MATR3: variants seen among roughly 807,000 people sequenced by gnomAD.
MATR3 encodes matrin-3.
In MATR3, 4 loss-of-function variants were observed where a neutral mutation model predicts 85.5. The observed-to-expected ratio is 0.05, with a 90% confidence interval of 0.02 to 0.11. MATR3 has a LOEUF of 0.11. MATR3 is among the 10% of genes least tolerant of loss of function. MATR3 has a pLI of 1.00. For synonymous variants in MATR3, 336 were observed against 343.1 expected, an observed-to-expected ratio of 0.98 and a Z score of 0.23; for missense variants, 685 against 1,016.1, an observed-to-expected ratio of 0.67 and a Z score of 4.43.
At chr5:139,305,635 T>C (rs1754670059) in intron 1 of MATR3, among the ~76,000 whole-genome samples, 1 of 152,194 alleles carries the variant, frequency 6.6e-6, no homozygotes, top group Non-Finnish European at 1.5e-5. Flanking sequence ...GAAACTTTCA[T>C]CTGAAGAAGT....
intron 14 of MATR3, among the ~76,000 whole-genome samples, chr5:139,327,801 A>G (rs1304926848): frequency 6.6e-6 from 1 of 152,184 alleles, no homozygotes; most frequent in African/African-American, 2.4e-5. Context: ...GAATATGGAA[A>G]TAATATAAAA....
chr5:139,292,537 C>T (rs995067182), upstream of MATR3, among the ~76,000 whole-genome samples: 1 of 152,200 alleles, frequency 6.6e-6, no homozygotes, highest in African/African-American at 2.4e-5. Context: ...ATCCCTCCAA[C>T]CCGGGTACCT....
chr5:139,295,678 G>A (rs555052422), intron 1 of MATR3, among the ~76,000 whole-genome samples: 1 of 152,284 alleles, frequency 6.6e-6, no homozygotes, highest in Admixed American at 6.5e-5. Flanking sequence ...TTTTTACTGA[G>A]GAGTGCAACG....
At position 139,329,557 on chromosome 5, in the gene MATR3, A is replaced by C. The variant is rs1561947706; in HGVS notation, c.*162A>C. ...CTGTTCATGTGTTAAGTGTTATAGC[A>C]AAAAAAATACACATATGGTTAAGTT... On this transcript the variant is annotated 3_prime_UTR_variant, in exon 15 of 15. Coordinates refer to ENST00000394805, the MANE Select transcript of MATR3 (RefSeq NM_018834.6). 1 of 602,336 alleles carries C rather than the reference A, an allele frequency of 1.7e-6. No homozygotes were observed. Among genetic ancestry groups the C allele is most frequent in the African/African-American group, 1.9e-5 (1 of 53,458 alleles). 37.3% of individuals were successfully genotyped at this position (602,336 alleles called of 1,614,324 possible). A position where few individuals can be genotyped will look rare whatever the true frequency, so the allele number is the denominator to read the frequency against.
chr5:139,280,118 G>C (rs369848146), intron 3 of MATR3: 1 of 152,148 alleles, frequency 6.6e-6, no homozygotes, highest in Non-Finnish European at 1.5e-5. Flanking sequence ...TGCAGCTCTA[G>C]TGCAAACACA....
chr5:139,295,689 G>A (rs576146689), intron 1 of MATR3, among the ~76,000 whole-genome samples: 1 of 152,302 alleles, frequency 6.6e-6, no homozygotes, highest in African/African-American at 2.4e-5. Context: ...GAGTGCAACG[G>A]TGGTGTCGTA....
chr5:139,306,097 C>G (rs768009466), intron 1 of MATR3, among the ~76,000 whole-genome samples: 8 of 152,150 alleles, frequency 5.3e-5, no homozygotes, highest in Non-Finnish European at 1.2e-4. Flanking sequence ...TCAGATTTAC[C>G]TCTGTATGTA....
At chr5:139,305,402 G>GA (rs961537048) in intron 1 of MATR3, among the ~76,000 whole-genome samples, 1 of 152,066 alleles carries the variant, frequency 6.6e-6, no homozygotes, top group Admixed American at 6.5e-5. Flanking sequence ...TTCTCTTAGG[G>GA]AAAAAATAAT....
chr5:139,318,358 T>C (rs1486253252), intron 7 of MATR3, among the ~76,000 whole-genome samples: 1 of 152,032 alleles, frequency 6.6e-6, no homozygotes, highest in Non-Finnish European at 1.5e-5. Context: ...GGTCTCGAAG[T>C]CCTGACCTCA....
intron 2 of MATR3, chr5:139,278,513 T>A (rs951150541): frequency 6.0e-5 from 23 of 383,020 alleles, no homozygotes; most frequent in Non-Finnish European, 3.7e-5. Flanking sequence ...TAACCTGTAT[T>A]TGTAAGATCC....
At chr5:139,320,390 G>C (rs1342374246) in intron 9 of MATR3, among the ~76,000 whole-genome samples, 1 of 152,122 alleles carries the variant, frequency 6.6e-6, no homozygotes, top group Non-Finnish European at 1.5e-5. Flanking sequence ...GGCCAGAGTT[G>C]CCCAGGAGTT....
At chr5:139,324,293 T>TTG (rs1755730620) in intron 12 of MATR3, among the ~76,000 whole-genome samples, 1 of 142,624 alleles carries the variant, frequency 7.0e-6, no homozygotes, top group Admixed American at 6.9e-5. Context: ...CATGATTGTT[T>TTG]TTTTTTTTTT....
At chr5:139,313,556 A>G (rs910019812) in intron 2 of MATR3, 4 of 152,184 alleles carry the variant, frequency 2.6e-5, no homozygotes, top group Non-Finnish European at 5.9e-5. Flanking sequence ...TTGCCTAAAA[A>G]GTTAACTCAT....
At chr5:139,294,182 C>G (rs1332035185) in intron 1 of MATR3, 9 of 700,350 alleles carry the variant, frequency 1.3e-5, no homozygotes. Flanking sequence ...ACACGCGGGC[C>G]GCGGCGCTGA....
In MATR3 at chr5:139,281,362, T is replaced by G. The variant is rs113188432; in HGVS notation, c.-178+2233T>G. ...CGAAGTAGTTTTTTTTTTTGTTTTT[T>G]TTTTTTTTTTTGCTCTGTTGCCCAG... On this transcript the variant is annotated intron_variant, in intron 3 of 16. Transcript: ENST00000509990. 7.6e-3 allele frequency among the ~76,000 whole-genome samples: 1,119 copies of G among 147,696 alleles called. 8 individuals are homozygous for G. The highest frequency in any genetic ancestry group is 0.026 in the African/African-American group (1,054 of 40,098).
Position 139,331,524 on chromosome 5 carries a change from G to A in MATR3, c.*2129G>A, listed in dbSNP as rs1756149410. On this transcript the variant is annotated 3_prime_UTR_variant, in exon 15 of 15. Transcript: ENST00000394805. ...AGCTGTTAGTGATAAATCTGTAACA[G>A]CCCTTCGATTACGAGAAAACCTCTT... is the stretch of plus-strand genomic sequence containing the variant. 4.4e-6 allele frequency: 2 copies of A among 454,090 alleles called. No homozygotes were observed. The highest frequency in any genetic ancestry group is 2.3e-5 in the Admixed American group (1 of 42,560). The allele number at this position is 454,090 out of a possible 1,614,324, so 28.1% of individuals were successfully genotyped here.
At chr5:139,298,993 T>C (rs1262309529) in intron 1 of MATR3, among the ~76,000 whole-genome samples, 2 of 152,216 alleles carry the variant, frequency 1.3e-5, no homozygotes, top group African/African-American at 4.8e-5. Context: ...TTTAAGTCAA[T>C]TTGCATGAAG....
At chr5:139,325,389 A>G (rs779978146) in intron 12 of MATR3, 51 bp from the exon 13 acceptor site, 1 of 1,589,512 alleles carries the variant, frequency 6.3e-7, no homozygotes, top group Admixed American at 1.7e-5. Flanking sequence ...TAAATCGGGC[A>G]TGGCATTTAA....
chr5:139,274,182 G>A (rs968734687), intron 1 of MATR3: 2 of 404,206 alleles, frequency 4.9e-6, no homozygotes, highest in Non-Finnish European at 9.6e-6. Flanking sequence ...ACCCAGAGGG[G>A]AGAGTCCTTG....
Sources: allele counts gnomAD v4.1 joint callset (sites outside exome capture counted in the v4.1 genomes callset), GRCh38; gene constraint gnomAD v4.1.1; transcripts MANE v1.5; gene names NCBI Gene and HGNC (gene_info 2026-07-23, HGNC 2026-07-21).